Variants in SH3D19 observed in about 807,000 individuals in gnomAD.
SH3D19 encodes the protein SH3 domain containing 19, also known as SH3 domain-containing protein 19.
SH3D19 carries 58 observed loss-of-function variants against 112.1 expected under a neutral mutation model. That is an observed-to-expected ratio of 0.52 (90% CI 0.42 to 0.64). The LOEUF (loss-of-function observed/expected upper bound fraction) is 0.64. Among genes scored for constraint, SH3D19 ranks in the 30% least tolerant of loss-of-function variants. SH3D19 has a pLI of 0.00. For synonymous variants in SH3D19, 391 were observed against 448.5 expected (o/e 0.87, Z 1.62); for missense variants, 1,090 against 1,263.4 (o/e 0.86, Z 2.08).
chr4:151,243,356 A>G (rs186235061), intron 1 of SH3D19, among the ~76,000 whole-genome samples: 70 of 152,374 alleles, frequency 4.6e-4, no homozygotes, highest in African/African-American at 1.6e-3. Flanking sequence ...TATACTATAA[A>G]ATGAAAAAGA....
intron 14 of SH3D19, among the ~76,000 whole-genome samples, chr4:151,135,421 A>ATTTTT (rs34291277): frequency 6.2e-4 from 54 of 87,488 alleles, no homozygotes; most frequent in African/African-American, 7.8e-4. Flanking sequence ...TCTCTATCTC[A>ATTTTT]TTTTTTTTTT....
intron 7 of SH3D19, among the ~76,000 whole-genome samples, chr4:151,168,399 C>CTTTCT (rs749341452): frequency 1.0e-3 from 46 of 45,416 alleles, no homozygotes; most frequent in South Asian, 1.6e-3. Context: ...AGTAGCATTT[C>CTTTCT]TTTTTTTTTT....
intron 8 of SH3D19, among the ~76,000 whole-genome samples, chr4:151,165,266 C>T (rs1013302143): frequency 2.0e-5 from 3 of 151,948 alleles, no homozygotes; most frequent in South Asian, 4.2e-4. Flanking sequence ...TGCTTGAATC[C>T]GGGAGGCAGA....
chr4:151,154,765 T>C (rs951374299), intron 9 of SH3D19, among the ~76,000 whole-genome samples: 5 of 151,998 alleles, frequency 3.3e-5, no homozygotes, highest in African/African-American at 1.2e-4. Context: ...TACTATTTCT[T>C]TTTTTCTTCT....
At chr4:151,320,841 A>G (rs1012523175) in intron 1 of SH3D19, among the ~76,000 whole-genome samples, 3 of 152,162 alleles carry the variant, frequency 2.0e-5, no homozygotes, top group Admixed American at 6.5e-5. Flanking sequence ...GGAGTTCAAG[A>G]CCAGCCTGGG....
At chr4:151,263,263 T>C (rs1772517223) in intron 1 of SH3D19, among the ~76,000 whole-genome samples, 1 of 152,226 alleles carries the variant, frequency 6.6e-6, no homozygotes, top group Non-Finnish European at 1.5e-5. Context: ...GTTAAAGGAA[T>C]CTGGACATCA....
chr4:151,138,728 ACACAC>A (rs1752391415), intron 13 of SH3D19, among the ~76,000 whole-genome samples: 6 of 149,328 alleles, frequency 4.0e-5, no homozygotes, highest in Admixed American at 1.3e-4. Flanking sequence ...ACACACACAC[ACACAC>A]AAATTACTTT....
intron 17 of SH3D19, 135 bp downstream of exon 17, chr4:151,132,196 A>T: frequency 1.4e-6 from 1 of 709,448 alleles, no homozygotes; most frequent in East Asian, 2.7e-5. Context: ...TAACCATCTA[A>T]GAATTTATTA....
chr4:151,216,655 A>G (rs1461053767), intron 2 of SH3D19, among the ~76,000 whole-genome samples: 2 of 152,176 alleles, frequency 1.3e-5, no homozygotes, highest in Non-Finnish European at 2.9e-5. Context: ...AAAAAGTAAT[A>G]AACACAAGAC....
chr4:151,322,678 ACAT>A (rs1165585522), intron 1 of SH3D19, among the ~76,000 whole-genome samples: 1 of 152,174 alleles, frequency 6.6e-6, no homozygotes, highest in Non-Finnish European at 1.5e-5. Context: ...AATTTTCTTA[ACAT>A]CATTTTAAAA....
chr4:151,175,383 G>T lies in SH3D19; in HGVS notation c.821C>A (p.Thr274Asn). Residue 274 changes from threonine (T) to asparagine (N), a missense_variant, in exon 7 of 20, where the codon ACC becomes AAC. By Grantham distance (65) the Thr-to-Asn change is moderately conservative. Transcript: ENST00000604030. ...RPQSLLDNAS[T>N]SDSQAVMNIM... ...GTTCATCACTGCCTGACTGTCTGAG[G>T]TGCTAGCGTTGTCCAGCAGAGACTG... 1 of 1,583,798 alleles carries T rather than the reference G, an allele frequency of 6.3e-7. No homozygotes were observed. The highest frequency in any genetic ancestry group is 2.2e-5 in the East Asian group (1 of 44,704).
At position 151,221,343 on chromosome 4, in the gene SH3D19, TC is replaced by T. The variant is rs968949841; in HGVS notation, c.152+4703del. Reference sequence around the variant, plus strand: ...AAATGACTTTTTGTTTATATTTTCTTCTTTCTGCTCTGTTGATGCAGCAGGT... The same window carrying T: ...AAATGACTTTTTGTTTATATTTTCTTTTTCTGCTCTGTTGATGCAGCAGGT... On this transcript the variant is annotated intron_variant, in intron 2 of 19. Transcript: ENST00000604030. Among the ~76,000 whole-genome samples the T allele has an allele frequency of 2.1e-4, 10 of 46,652 alleles. No homozygotes were observed. In the Admixed American group the frequency reaches 2.6e-3, roughly 12 times the overall value. The allele number at this position is 46,652 out of a possible 152,430, so 30.6% of individuals were successfully genotyped here.
intron 1 of SH3D19, among the ~76,000 whole-genome samples, chr4:151,293,905 T>C (rs1424834499): frequency 6.6e-6 from 1 of 152,140 alleles, no homozygotes; most frequent in African/African-American, 2.4e-5. Context: ...CATCTACTAT[T>C]CCCTCTCCCC....
intron 9 of SH3D19, among the ~76,000 whole-genome samples, chr4:151,158,629 C>T (rs1377257208): frequency 6.7e-6 from 1 of 150,180 alleles, no homozygotes; most frequent in Non-Finnish European, 1.5e-5. Flanking sequence ...AACCACTTCT[C>T]TAATTACTTG....
chr4:151,245,076 G>A (rs918608764), intron 1 of SH3D19, among the ~76,000 whole-genome samples: 3 of 151,898 alleles, frequency 2.0e-5, no homozygotes, highest in African/African-American at 7.3e-5. Context: ...CCCAGGAAGC[G>A]AAGGTTGCAG....
chr4:151,157,259 G>GAA (rs560064738), intron 9 of SH3D19, among the ~76,000 whole-genome samples: 2 of 122,092 alleles, frequency 1.6e-5, no homozygotes, highest in Non-Finnish European at 3.5e-5. Context: ...CTCAAAAAAA[G>GAA]AAAAAAAAAA....
chr4:151,269,272 A>C (rs1773052050), intron 1 of SH3D19, among the ~76,000 whole-genome samples: 1 of 151,980 alleles, frequency 6.6e-6, no homozygotes, highest in African/African-American at 2.4e-5. Flanking sequence ...TCCTTTGCCC[A>C]CTTTTTGATG....
intron 1 of SH3D19, among the ~76,000 whole-genome samples, chr4:151,269,293 T>G (rs570853744): frequency 3.3e-5 from 5 of 152,054 alleles, no homozygotes; most frequent in African/African-American, 9.6e-5. Flanking sequence ...GGGTTGTTTG[T>G]TTTTTTTCTT....
intron 1 of SH3D19, among the ~76,000 whole-genome samples, chr4:151,286,782 C>T (rs927209557): frequency 8.6e-5 from 13 of 151,518 alleles, no homozygotes; most frequent in African/African-American, 2.7e-4. Context: ...GAGTTCGAGA[C>T]GAGCCTAGCA....
Sources: gnomAD v4.1 joint callset for allele counts (sites outside exome capture counted in the v4.1 genomes callset) on GRCh38, gnomAD v4.1.1 for gene constraint, MANE v1.5 for transcripts, NCBI Gene and HGNC (gene_info 2026-07-23, HGNC 2026-07-21) for gene names.